The following EXOC6 variants were observed in gnomAD, a reference collection of about 807,000 sequenced individuals.
EXOC6 encodes SEC15-like 1.
EXOC6 carries 60 observed loss-of-function variants against 112.5 expected under a neutral mutation model. The observed-to-expected ratio is 0.53, with a 90% CI of 0.43 to 0.66. The LOEUF (loss-of-function observed/expected upper bound fraction) is 0.66. Among genes scored for constraint, EXOC6 ranks in the 30% least tolerant of loss-of-function variants. EXOC6 has a pLI of 0.00. For missense variants in EXOC6, 855 were observed against 957.1 expected, an observed-to-expected ratio of 0.89 and a Z score of 1.41; for synonymous variants, 295 against 308.0, an observed-to-expected ratio of 0.96 and a Z score of 0.44.
chr10:93,019,269 C>T (rs998275743), intron 20 of EXOC6, among the ~76,000 whole-genome samples: 2 of 152,140 alleles, frequency 1.3e-5, no homozygotes, highest in Non-Finnish European at 2.9e-5. Context: ...CGTGAGCCAC[C>T]ACACTTGGCC....
upstream of EXOC6, among the ~76,000 whole-genome samples, chr10:92,831,006 G>A (rs1443199595): frequency 6.6e-6 from 1 of 152,174 alleles, no homozygotes; most frequent in African/African-American, 2.4e-5. Flanking sequence ...GTTACTTTTG[G>A]GAGGAGAGCC....
At chr10:92,897,811 C>T (rs970941095) in intron 4 of EXOC6, among the ~76,000 whole-genome samples, 1 of 152,146 alleles carries the variant, frequency 6.6e-6, no homozygotes, top group Admixed American at 6.6e-5. Flanking sequence ...AATCTGGGAG[C>T]CCCCACTTCT....
chr10:93,020,282 A>C (rs549214646), intron 20 of EXOC6, among the ~76,000 whole-genome samples: 23 of 152,314 alleles, frequency 1.5e-4, no homozygotes, highest in African/African-American at 4.8e-4. Context: ...CTAAAGCTAG[A>C]ACTTAATATA....
At chr10:92,886,526 C>T (rs1849226691) in intron 1 of EXOC6, among the ~76,000 whole-genome samples, 1 of 152,162 alleles carries the variant, frequency 6.6e-6, no homozygotes, top group African/African-American at 2.4e-5. Context: ...GGTAACTTCC[C>T]TCTGCATTCT....
At chr10:92,830,227 T>A (rs75263742), upstream of EXOC6, among the ~76,000 whole-genome samples, 1 of 152,198 alleles carries the variant, frequency 6.6e-6, no homozygotes, top group Non-Finnish European at 1.5e-5. Flanking sequence ...GTAACAAACA[T>A]AATGCTTCCT....
At chr10:92,952,184 T>C in intron 14 of EXOC6, 89 bp from the exon 15 acceptor site, 1 of 740,672 alleles carries the variant, frequency 1.4e-6, no homozygotes. Context: ...GCTATTCAAG[T>C]GTGAAATCAA....
intron 17 of EXOC6, among the ~76,000 whole-genome samples, chr10:92,959,267 A>T (rs905051695): frequency 6.6e-6 from 1 of 152,240 alleles, no homozygotes; most frequent in African/African-American, 2.4e-5. Context: ...ATAGTTTTTC[A>T]ACAAATAGTG....
At chr10:92,920,722 T>G (rs976078267) in intron 8 of EXOC6, among the ~76,000 whole-genome samples, 3 of 152,256 alleles carry the variant, frequency 2.0e-5, no homozygotes, top group African/African-American at 7.2e-5. Flanking sequence ...TTGTCCATTT[T>G]TTCTTTCAGT....
At chr10:93,031,081 A>T (rs1300811329) in intron 20 of EXOC6, among the ~76,000 whole-genome samples, 1 of 152,170 alleles carries the variant, frequency 6.6e-6, no homozygotes, top group African/African-American at 2.4e-5. Context: ...AGCTGTGAGC[A>T]CCTACAGATG....
intron 20 of EXOC6, among the ~76,000 whole-genome samples, chr10:93,031,062 C>T (rs1356204297): frequency 6.6e-6 from 1 of 152,022 alleles, no homozygotes; most frequent in Admixed American, 6.6e-5. Context: ...TTACTTTTCA[C>T]GTTAATTTAG....
chr10:92,925,147 A>T (rs536220428), intron 8 of EXOC6, among the ~76,000 whole-genome samples: 3 of 152,204 alleles, frequency 2.0e-5, no homozygotes, highest in Non-Finnish European at 4.4e-5. Flanking sequence ...TTAGAATTTT[A>T]GTTGTATATT....
chr10:92,930,544 A>G (rs1020803457), intron 9 of EXOC6, among the ~76,000 whole-genome samples: 1 of 151,338 alleles, frequency 6.6e-6, no homozygotes, highest in Non-Finnish European at 1.5e-5. Context: ...AAAGCTTGAA[A>G]TCATACAAAG....
At chr10:92,975,924 G>C (rs1191902373) in intron 18 of EXOC6, among the ~76,000 whole-genome samples, 2 of 140,608 alleles carry the variant, frequency 1.4e-5, no homozygotes, top group Non-Finnish European at 1.6e-5. Flanking sequence ...GAGGTGGGGG[G>C]GTCAGCCCCC....
intron 1 of EXOC6, among the ~76,000 whole-genome samples, chr10:92,865,494 G>A (rs574296526): frequency 1.7e-4 from 26 of 151,788 alleles, no homozygotes; most frequent in African/African-American, 5.1e-4. Context: ...CCAAGATTGC[G>A]CCACTGCACT....
intron 20 of EXOC6, among the ~76,000 whole-genome samples, chr10:93,030,283 TC>T (rs1845214374): frequency 6.6e-6 from 1 of 152,138 alleles, no homozygotes; most frequent in Non-Finnish European, 1.5e-5. Context: ...GCTCAAGCAG[TC>T]TGCCCACCTG....
At chr10:92,876,161 TATG>T (rs1227249066) in intron 1 of EXOC6, among the ~76,000 whole-genome samples, 1 of 152,202 alleles carries the variant, frequency 6.6e-6, no homozygotes, top group Non-Finnish European at 1.5e-5. Context: ...ATTATTTCCT[TATG>T]TTGCACATTT....
intron 1 of EXOC6, among the ~76,000 whole-genome samples, chr10:92,886,132 G>T (rs1025367265): frequency 6.6e-6 from 1 of 152,252 alleles, no homozygotes; most frequent in East Asian, 1.9e-4. Flanking sequence ...ATTCATATAT[G>T]AATTAGGTAG....
intron 15 of EXOC6, among the ~76,000 whole-genome samples, chr10:92,953,279 A>G (rs1034938623): frequency 2.6e-5 from 4 of 152,024 alleles, no homozygotes; most frequent in Non-Finnish European, 5.9e-5. Flanking sequence ...AGGTTGTGCC[A>G]TGTTGGTCAG....
At chr10:92,875,851 T>A (rs1188637717) in intron 1 of EXOC6, among the ~76,000 whole-genome samples, 1 of 151,986 alleles carries the variant, frequency 6.6e-6, no homozygotes, top group Non-Finnish European at 1.5e-5. Context: ...TATATAGAAA[T>A]TTTCATCCCT....
Sources: allele counts gnomAD v4.1 joint callset (sites outside exome capture counted in the v4.1 genomes callset), GRCh38; gene constraint gnomAD v4.1.1; transcripts MANE v1.5; gene names NCBI Gene and HGNC (gene_info 2026-07-23, HGNC 2026-07-21).